The following SLC47A2 variants were observed in gnomAD, a reference collection of about 807,000 sequenced individuals.
SLC47A2 encodes the protein multidrug and toxin extrusion protein 2.
A neutral mutation model predicts 67.7 loss-of-function variants in SLC47A2; 52 were observed. The ratio of observed to expected loss-of-function variants is 0.77; its 90% CI spans 0.61 to 0.97. The LOEUF (loss-of-function observed/expected upper bound fraction) is 0.97. Ranked by LOEUF, SLC47A2 falls within the 50% of genes least tolerant of loss-of-function variation. The pLI, the probability that SLC47A2 is intolerant of heterozygous loss-of-function variation, is 0.00. For synonymous variants in SLC47A2, 278 were observed against 292.9 expected, an observed-to-expected ratio of 0.95 and a Z score of 0.52; for missense variants, 676 against 712.3, an observed-to-expected ratio of 0.95 and a Z score of 0.58.
chr17:19,709,685 C>T (rs2086044555), intron 5 of SLC47A2, among the ~76,000 whole-genome samples: 1 of 152,118 alleles, frequency 6.6e-6, no homozygotes, highest in African/African-American at 2.4e-5. Flanking sequence ...GACATTTAAG[C>T]ATTCCAAGTG....
intron 4 of SLC47A2, among the ~76,000 whole-genome samples, chr17:19,713,378 ACT>A (rs1197877127): frequency 6.7e-6 from 1 of 150,168 alleles, no homozygotes; most frequent in African/African-American, 2.5e-5. Flanking sequence ...ACAGAGCGAG[ACT>A]CTGTCTCAAG....
rs115896761 is a variant in SLC47A2 at position 19,697,562 on chromosome 17, A to G, written c.1164+5043T>C. 2.3e-3 allele frequency among the ~76,000 whole-genome samples: 352 copies of G among 152,268 alleles called. 1 individual carries two copies. Among genetic ancestry groups the G allele is most frequent in the African/African-American group, 7.5e-3 (313 of 41,550 alleles). ...CAAATACAACCAGCTACCAAATATT[A>G]TATTTTCATATTTTTAAAATTTGTT... On this transcript the variant is annotated intron_variant, in intron 13 of 16. Transcript: ENST00000433844.
chr17:19,707,950 C>T lies in SLC47A2; in HGVS notation c.630-107G>A. Reference sequence around the variant, plus strand: ...GCCAGCCCGTGTGGGGCAGGCATGGCTCTGCTCTTCCCCCATCCTGGGATC... The same window carrying T: ...GCCAGCCCGTGTGGGGCAGGCATGGTTCTGCTCTTCCCCCATCCTGGGATC... On this transcript the variant is annotated intron_variant, in intron 7 of 16. Coordinates refer to ENST00000433844, the MANE Select transcript of SLC47A2 (RefSeq NM_001099646.3). The T allele has an allele frequency of 9.6e-6, 10 of 1,038,386 alleles. No individual in the cohort carries two copies. In the South Asian group the frequency reaches 1.5e-4, roughly 15 times the overall value. The allele number at this position is 1,038,386 out of a possible 1,614,324, so 64.3% of individuals were successfully genotyped here.
At chr17:19,684,525 GAACA>G (rs894594999) in intron 13 of SLC47A2, among the ~76,000 whole-genome samples, 2 of 151,940 alleles carry the variant, frequency 1.3e-5, no homozygotes, top group Admixed American at 1.3e-4. Context: ...TAGTAAAGAA[GAACA>G]AACTATACCT....
intron 9 of SLC47A2, 103 bp from the exon 10 acceptor site, chr17:19,705,606 T>C: frequency 1.8e-6 from 2 of 1,088,616 alleles, no homozygotes; most frequent in African/African-American, 3.2e-5. Context: ...GCTTTTTTTT[T>C]TTTTCTTCCT....
chr17:19,705,169 A>C, intron 10 of SLC47A2: 1 of 477,384 alleles, frequency 2.1e-6, no homozygotes, highest in Non-Finnish European at 3.7e-6. Context: ...TTGTGATGTG[A>C]AATCTCCCAA....
At chr17:19,696,951 C>T (rs1373239148) in intron 13 of SLC47A2, among the ~76,000 whole-genome samples, 1 of 152,126 alleles carries the variant, frequency 6.6e-6, no homozygotes, top group Non-Finnish European at 1.5e-5. Context: ...CCAGACTCAT[C>T]CTTTTGTCAG....
chr17:19,715,380 C>T (rs541728590), intron 1 of SLC47A2, among the ~76,000 whole-genome samples, 163 bp from the exon 2 acceptor site: 28 of 152,278 alleles, frequency 1.8e-4, no homozygotes, highest in African/African-American at 5.8e-4. Context: ...AGCCCAGCTC[C>T]CATTCTGCGT....
chr17:19,711,404 C>A (rs866264463), intron 5 of SLC47A2, among the ~76,000 whole-genome samples: 8 of 150,460 alleles, frequency 5.3e-5, no homozygotes, highest in African/African-American at 1.7e-4. Context: ...CCAGCCTGAC[C>A]AATATGGTGA....
At position 19,708,765 on chromosome 17, in the gene SLC47A2, A is replaced by G. The variant is rs773358325; in HGVS notation, c.487-5T>C. 3.1e-6 allele frequency: 5 copies of G among 1,613,898 alleles called. No individual in the cohort carries two copies. The African/African-American group carries it at 6.7e-5, about 22-fold the overall frequency. On this transcript the variant is annotated splice_region_variant and splice_polypyrimidine_tract_variant and intron_variant, in intron 5 of 16. Coordinates refer to ENST00000433844, the MANE Select transcript of SLC47A2 (RefSeq NM_001099646.3). ...CAGATTGTAAAGAAAAATCACCTGT[A>G]TGAAAAGCAAACCCAAACAAATCAA...
Position 19,682,366 on chromosome 17 carries a change from A to ACACACAC in SLC47A2, c.1165-697_1165-696insGTGTGTG, listed in dbSNP as rs1555537233. 7.1e-4 allele frequency among the ~76,000 whole-genome samples: 68 copies of ACACACAC among 96,154 alleles called. No homozygotes were observed. The East Asian group carries it at 0.024, about 34-fold the overall frequency. The allele number at this position is 96,154 out of a possible 152,430, so 63.1% of individuals were successfully genotyped here. On this transcript the variant is annotated intron_variant, in intron 13 of 16. Coordinates refer to ENST00000433844, the MANE Select transcript of SLC47A2 (RefSeq NM_001099646.3). ...ACACACACACACACACACACACACA[A>ACACACAC]ATTTATTATTTTATTTTACAGTTCT...
intron 1 of SLC47A2, chr17:19,715,697 G>GTTTTTGTTT (rs2086236976): frequency 1.0e-5 from 1 of 99,472 alleles, no homozygotes; most frequent in South Asian, 3.6e-4. Context: ...TTTTGGTTTT[G>GTTTTTGTTT]TTTTTTTTGT....
intron 13 of SLC47A2, among the ~76,000 whole-genome samples, chr17:19,694,981 G>A (rs1384292122): frequency 6.8e-6 from 1 of 148,146 alleles, no homozygotes; most frequent in Non-Finnish European, 1.5e-5. Flanking sequence ...ACTTTTTAAA[G>A]AAAACAGAGG....
chr17:19,681,733 A>C, intron 13 of SLC47A2, 63 bp from the exon 14 acceptor site: 1 of 1,561,776 alleles, frequency 6.4e-7, no homozygotes, highest in Non-Finnish European at 8.7e-7. Context: ...GGTGTCATGC[A>C]GCAGGCACTG....
At chr17:19,716,901 G>A, upstream of SLC47A2, 2 of 233,812 alleles carry the variant, frequency 8.6e-6, no homozygotes, top group Non-Finnish European at 1.7e-5. Context: ...GCTGAGGCCA[G>A]GACAGGGCAG....
chr17:19,679,058 C>G (rs2085253251), intron 16 of SLC47A2, 152 bp from the exon 17 acceptor site: 1 of 645,608 alleles, frequency 1.5e-6, no homozygotes, highest in Non-Finnish European at 2.8e-6. Context: ...ACTGCTTTAT[C>G]TACTTTACAA....
intron 11 of SLC47A2, 91 bp from the exon 12 acceptor site, chr17:19,703,258 C>T: frequency 2.5e-6 from 3 of 1,185,194 alleles, no homozygotes; most frequent in Non-Finnish European, 3.7e-6. Flanking sequence ...TATGTCAGTG[C>T]AAGTCAGCCC....
At chr17:19,716,315 A>G in intron 1 of SLC47A2, 118 bp downstream of exon 1, 1 of 1,433,592 alleles carries the variant, frequency 7.0e-7, no homozygotes, top group Non-Finnish European at 9.3e-7. Flanking sequence ...CTGGCAGTCA[A>G]CATGGGCAGT....
At chr17:19,700,948 A>G (rs2085770586) in intron 13 of SLC47A2, among the ~76,000 whole-genome samples, 1 of 151,374 alleles carries the variant, frequency 6.6e-6, no homozygotes, top group African/African-American at 2.4e-5. Context: ...CGGGTGGGTC[A>G]CCTGAGGTCA....
Sources: gnomAD v4.1 joint callset for allele counts (sites outside exome capture counted in the v4.1 genomes callset) on GRCh38, gnomAD v4.1.1 for gene constraint, MANE v1.5 for transcripts, NCBI Gene and HGNC (gene_info 2026-07-23, HGNC 2026-07-21) for gene names.